CTNNA2: variants seen among roughly 807,000 people sequenced by gnomAD.
CTNNA2 encodes catenin alpha 2.
In CTNNA2, 42 loss-of-function variants were observed where a neutral mutation model predicts 101.0. The ratio of observed to expected loss-of-function variants is 0.42; its 90% CI spans 0.32 to 0.54. CTNNA2 has a LOEUF of 0.54. Among genes scored for constraint, CTNNA2 ranks in the 20% least tolerant of loss-of-function variants. The pLI, the probability that CTNNA2 is intolerant of heterozygous loss-of-function variation, is 0.14. For missense variants in CTNNA2, 871 were observed against 1,223.1 expected (o/e 0.71, Z 4.29); for synonymous variants, 450 against 456.4 (o/e 0.99, Z 0.18).
At chr2:80,525,001 T>C (rs763766969) in intron 9 of CTNNA2, among the ~76,000 whole-genome samples, 11 of 152,156 alleles carry the variant, frequency 7.2e-5, no homozygotes, top group Non-Finnish European at 8.8e-5. Flanking sequence ...GTAAGTTCTT[T>C]AGTAGTGATT....
At chr2:79,352,947 A>T (rs2104440154) in intron 3 of CTNNA2, among the ~76,000 whole-genome samples, 1 of 152,288 alleles carries the variant, frequency 6.6e-6, no homozygotes. Flanking sequence ...GGCCAGCAGG[A>T]GAAAGAGAGC....
At chr2:79,289,130 G>A (rs954376555) in intron 2 of CTNNA2, among the ~76,000 whole-genome samples, 1 of 152,130 alleles carries the variant, frequency 6.6e-6, no homozygotes, top group Non-Finnish European at 1.5e-5. Flanking sequence ...CTTCCAAATT[G>A]GGCCTTTGCC....
chr2:80,051,175 T>C (rs2104331560), intron 7 of CTNNA2, among the ~76,000 whole-genome samples: 1 of 152,366 alleles, frequency 6.6e-6, no homozygotes, highest in East Asian at 1.9e-4. Context: ...TATGAGAATA[T>C]TTAGGATCTC....
At chr2:79,885,211 A>G (rs538852044) in intron 6 of CTNNA2, among the ~76,000 whole-genome samples, 1 of 152,198 alleles carries the variant, frequency 6.6e-6, no homozygotes, top group South Asian at 2.1e-4. Context: ...GAAACGCTGT[A>G]TAGGTAAGTC....
Position 80,633,957 on chromosome 2 carries a change from T to C in CTNNA2, c.2575-13628T>C, listed in dbSNP as rs183691804. On this transcript the variant is annotated intron_variant, in intron 18 of 18. Coordinates refer to ENST00000402739, the MANE Select transcript of CTNNA2 (RefSeq NM_001282597.3). ...GCTGAAGTTTACTTTCTCTTTTATT[T>C]CTCCAAATTTTACTCTCCTGACAAT... 4.3e-3 allele frequency among the ~76,000 whole-genome samples: 649 copies of C among 152,244 alleles called. 16 individuals are homozygous for C. The highest frequency in any genetic ancestry group is 0.036 in the Admixed American group (546 of 15,274).
At chr2:79,476,005 C>G (rs888435347) in intron 4 of CTNNA2, among the ~76,000 whole-genome samples, 3 of 152,118 alleles carry the variant, frequency 2.0e-5, no homozygotes, top group African/African-American at 7.2e-5. Flanking sequence ...GCCTAGATTC[C>G]TGGAATGATG....
At chr2:79,245,621 G>T (rs1243026527) in intron 2 of CTNNA2, among the ~76,000 whole-genome samples, 1 of 152,164 alleles carries the variant, frequency 6.6e-6, no homozygotes, top group Non-Finnish European at 1.5e-5. Flanking sequence ...ATTTCAGTCC[G>T]ATTAAAATTG....
At chr2:79,914,757 A>C (rs1026301765) in intron 7 of CTNNA2, among the ~76,000 whole-genome samples, 1 of 151,876 alleles carries the variant, frequency 6.6e-6, no homozygotes, top group African/African-American at 2.4e-5. Flanking sequence ...ACAATTGTAT[A>C]TTTTTTTAAA....
intron 1 of CTNNA2, among the ~76,000 whole-genome samples, chr2:79,602,368 A>T (rs1677606757): frequency 6.6e-6 from 1 of 152,172 alleles, no homozygotes; most frequent in Admixed American, 6.5e-5. Context: ...AAAACTCTAA[A>T]ACAGTAGGTA....
At chr2:79,490,405 G>GT (rs1351606440) in intron 4 of CTNNA2, among the ~76,000 whole-genome samples, 1 of 152,062 alleles carries the variant, frequency 6.6e-6, no homozygotes, top group African/African-American at 2.4e-5. Context: ...CCAATCCTGT[G>GT]TTTTTTATGA....
intron 7 of CTNNA2, among the ~76,000 whole-genome samples, chr2:80,344,761 C>T (rs1294536017): frequency 6.6e-6 from 1 of 152,198 alleles, no homozygotes; most frequent in Non-Finnish European, 1.5e-5. Context: ...GCTGAGATTA[C>T]AGGTGTGAGC....
chr2:80,579,465 A>T (rs1484982058), intron 13 of CTNNA2: 11 of 152,200 alleles, frequency 7.2e-5, no homozygotes, highest in African/African-American at 2.7e-4. Context: ...CCAACTTGCT[A>T]TAATTGTCCC....
chr2:80,103,477 G>C lies in CTNNA2; in HGVS notation c.1056+193680G>C, dbSNP rs1027268183. On this transcript the variant is annotated intron_variant, in intron 7 of 18. Coordinates refer to ENST00000402739, the MANE Select transcript of CTNNA2 (RefSeq NM_001282597.3). The stretch of plus-strand genomic sequence containing the variant: ...CTAAATGCAGGCATATTGGAGGTTA[G>C]GGCTTCAACATATGAATTCCAAGAG... Among the ~76,000 whole-genome samples the C allele has an allele frequency of 5.9e-5, 9 of 152,222 alleles. No individual in the cohort carries two copies. The South Asian group carries it at 1.0e-3, about 18-fold the overall frequency.
chr2:79,991,215 CA>C (rs796576301), intron 7 of CTNNA2, among the ~76,000 whole-genome samples: 49 of 152,078 alleles, frequency 3.2e-4, no homozygotes, highest in African/African-American at 1.2e-3. Context: ...CTGATCTTCT[CA>C]AAAAACCAGC....
chr2:79,332,669 AT>A (rs1234735317), intron 3 of CTNNA2, among the ~76,000 whole-genome samples: 1 of 152,182 alleles, frequency 6.6e-6, no homozygotes. Flanking sequence ...AGAGTGTTGT[AT>A]TTTGTTTTGT....
At chr2:79,476,265 A>G (rs1227986789) in intron 4 of CTNNA2, among the ~76,000 whole-genome samples, 1 of 152,172 alleles carries the variant, frequency 6.6e-6, no homozygotes, top group African/African-American at 2.4e-5. Context: ...TAGGAATACA[A>G]TGTAAGAATC....
chr2:79,814,287 T>A (rs991714534), intron 3 of CTNNA2, among the ~76,000 whole-genome samples: 1 of 152,198 alleles, frequency 6.6e-6, no homozygotes, highest in Non-Finnish European at 1.5e-5. Context: ...TTTGGTTACA[T>A]GACTAAATTC....
At chr2:79,792,452 G>C (rs1442748944) in intron 3 of CTNNA2, among the ~76,000 whole-genome samples, 2 of 152,132 alleles carry the variant, frequency 1.3e-5, no homozygotes, top group Non-Finnish European at 2.9e-5. Flanking sequence ...ACTGTGGCAG[G>C]CTGACTTTTT....
At chr2:79,716,663 G>A (rs1686127190) in intron 2 of CTNNA2, among the ~76,000 whole-genome samples, 1 of 152,170 alleles carries the variant, frequency 6.6e-6, no homozygotes, top group South Asian at 2.1e-4. Flanking sequence ...AACTCTGGTG[G>A]TCAGGGAGCT....
Sources: allele counts gnomAD v4.1 joint callset (sites outside exome capture counted in the v4.1 genomes callset), GRCh38; gene constraint gnomAD v4.1.1; transcripts MANE v1.5; gene names NCBI Gene and HGNC (gene_info 2026-07-23, HGNC 2026-07-21).